Variants in DMD observed in about 807,000 individuals in gnomAD.
The protein encoded by DMD is mutant dystrophin.
Under a neutral mutation model 330.1 loss-of-function variants are expected in DMD, and 63 were observed. The observed-to-expected ratio is 0.19, with a 90% CI of 0.16 to 0.24. DMD has a LOEUF of 0.24. DMD is among the 10% of genes least tolerant of loss of function. The pLI is 1.00. For synonymous variants in DMD, 1,223 were observed against 959.8 expected (o/e 1.27, Z -5.07); for missense variants, 3,344 against 2,684.1 (o/e 1.25, Z -5.43).
chrX:31,706,556 AT>A (rs34529444), intron 52 of DMD, among the ~76,000 whole-genome samples: 2 of 108,429 alleles, frequency 1.8e-5, no homozygotes, highest in African/African-American at 3.4e-5. Flanking sequence ...GTTTATCAAC[AT>A]TTTTTTTTGG....
At chrX:33,205,597 T>C (rs1158636878) in intron 1 of DMD, among the ~76,000 whole-genome samples, 1 of 112,068 alleles carries the variant, frequency 8.9e-6, no homozygotes, top group Non-Finnish European at 1.9e-5. Flanking sequence ...TGCCCTTTTA[T>C]AGTCCTGATT....
chrX:32,343,834 A>G (rs1159167424), intron 39 of DMD, among the ~76,000 whole-genome samples: 1 of 112,019 alleles, frequency 8.9e-6, no homozygotes, highest in African/African-American at 3.2e-5. Flanking sequence ...TAGTTGTCTT[A>G]TAAACTGTTC....
At chrX:32,670,410 ATAG>A (rs1428634109) in intron 9 of DMD, among the ~76,000 whole-genome samples, 55 of 112,106 alleles carry the variant, frequency 4.9e-4, no homozygotes, top group African/African-American at 1.6e-3. Context: ...CTTAGAAATC[ATAG>A]GTTTAGGAAT....
chrX:31,764,412 T>C (rs185439402), intron 51 of DMD, among the ~76,000 whole-genome samples: 256 of 111,725 alleles, frequency 2.3e-3, no homozygotes, highest in Non-Finnish European at 3.2e-3. Context: ...AAGCATTTCA[T>C]TACTTTCGTA....
Position 32,472,296 on chromosome X carries a change from C to T in DMD, c.2817G>A (p.Leu939=), listed in dbSNP as rs919404036. The change falls in exon 22 of 79, where the codon TTG becomes TTA. Residue 939 remains leucine, a synonymous_variant. Coordinates refer to ENST00000357033, the MANE Select transcript of DMD (RefSeq NM_004006.3). ...EKELQTIFDT[L]PPMRYQETMS... Reference sequence around the variant, plus strand: ...TGGTCTCCTGATAGCGCATTGGTGGCAAAGTGTCAAAAACTTTATCAAAAG... The same window carrying T: ...TGGTCTCCTGATAGCGCATTGGTGGTAAAGTGTCAAAAACTTTATCAAAAG... 2.5e-6 allele frequency: 3 copies of T among 1,209,977 alleles called. No homozygotes were observed. The highest frequency in any genetic ancestry group is 2.3e-4 in the Middle Eastern group (1 of 4,348).
chrX:32,455,291 A>T, intron 25 of DMD, among the ~76,000 whole-genome samples: 1 of 111,722 alleles, frequency 9.0e-6, no homozygotes, highest in Admixed American at 9.5e-5. Flanking sequence ...AAAAACGAAA[A>T]GTGCATAAAA....
At chrX:32,744,828 T>A (rs2069769406) in intron 7 of DMD, among the ~76,000 whole-genome samples, 1 of 112,140 alleles carries the variant, frequency 8.9e-6, no homozygotes, top group South Asian at 3.7e-4. Flanking sequence ...AGATACAATT[T>A]TTCTCAAATA....
At chrX:32,287,481 A>C (rs998454168) in intron 43 of DMD, 48 bp downstream of exon 43, 1 of 1,154,335 alleles carries the variant, frequency 8.7e-7, no homozygotes, top group Admixed American at 2.2e-5. Flanking sequence ...AGTTCCCTGA[A>C]AACAAATCAT....
At chrX:31,570,464 G>A in intron 55 of DMD, among the ~76,000 whole-genome samples, 1 of 110,890 alleles carries the variant, frequency 9.0e-6, no homozygotes, top group Non-Finnish European at 1.9e-5. Context: ...GGGGCTTAGG[G>A]GAGGATTAAA....
At chrX:31,340,762 A>G (rs1461760130) in intron 61 of DMD, among the ~76,000 whole-genome samples, 2 of 112,237 alleles carry the variant, frequency 1.8e-5, no homozygotes, top group Non-Finnish European at 3.8e-5. Context: ...TATCAATGTC[A>G]AGAGTGAATT....
At chrX:31,524,755 G>A (rs766542437) in intron 55 of DMD, among the ~76,000 whole-genome samples, 5 of 111,742 alleles carry the variant, frequency 4.5e-5, no homozygotes, top group South Asian at 3.8e-4. Flanking sequence ...ACTAACAAAC[G>A]GACAGGTGAA....
At chrX:32,256,749 T>C (rs1444904984) in intron 43 of DMD, among the ~76,000 whole-genome samples, 2 of 111,463 alleles carry the variant, frequency 1.8e-5, no homozygotes, top group Non-Finnish European at 3.8e-5. Flanking sequence ...CTGTAAAGGA[T>C]TTTATTTCTC....
rs1213847799 is a variant in DMD, at chrX:32,252,707, A to T, written c.6290+34822T>A. On this transcript the variant is annotated intron_variant, in intron 43 of 78. Coordinates refer to ENST00000357033, the MANE Select transcript of DMD (RefSeq NM_004006.3). ...ATAAATATATATATAAATATATATA[A>T]ATATATAAATATATATAAATATATA... Among the ~76,000 whole-genome samples the T allele has an allele frequency of 4.8e-3, 87 of 18,248 alleles. 2 individuals carry two copies. The highest frequency in any genetic ancestry group is 6.8e-3 in the African/African-American group (33 of 4,820). The allele number at this position is 18,248 out of a possible 115,157, so 15.8% of individuals were successfully genotyped here.
At position 33,240,638 on chromosome X, in the gene DMD, C is replaced by T. The variant is rs190634669; in HGVS notation, c.7+98621G>A. ...AGTTTTAATTTTTTTGAGAAAGCCC[C>T]TACTGTTTTCAATAATGGTTATATT... is the stretch of plus-strand genomic sequence containing the variant. On this transcript the variant is annotated intron_variant, in intron 1 of 17. Transcript: ENST00000288447. 1.9e-3 allele frequency among the ~76,000 whole-genome samples: 214 copies of T among 111,585 alleles called. 1 individual carries two copies. The highest frequency in any genetic ancestry group is 3.6e-3 in the Non-Finnish European group (192 of 53,064).
intron 2 of DMD, among the ~76,000 whole-genome samples, chrX:32,946,114 T>A (rs947656502): frequency 1.8e-5 from 2 of 111,838 alleles, no homozygotes; most frequent in Non-Finnish European, 3.8e-5. Flanking sequence ...ATAGTATTTT[T>A]GAAGTTATTT....
At chrX:31,276,166 C>T (rs1006034896) in intron 62 of DMD, among the ~76,000 whole-genome samples, 2 of 111,884 alleles carry the variant, frequency 1.8e-5, no homozygotes, top group African/African-American at 3.3e-5. Context: ...AAGCAATTCT[C>T]GTGCCTCAGC....
chrX:33,257,915 A>G (rs1165114448), intron 1 of DMD, among the ~76,000 whole-genome samples: 1 of 110,874 alleles, frequency 9.0e-6, no homozygotes, highest in Non-Finnish European at 1.9e-5. Flanking sequence ...AGAGGCTCTC[A>G]GTTGCACAAA....
intron 7 of DMD, among the ~76,000 whole-genome samples, chrX:32,737,275 C>T (rs2068641717): frequency 9.0e-6 from 1 of 110,993 alleles, no homozygotes; most frequent in African/African-American, 3.3e-5. Flanking sequence ...TATTTACATC[C>T]AGATTTCAAA....
At chrX:32,876,605 C>T (rs5928100) in intron 2 of DMD, among the ~76,000 whole-genome samples, 32,524 of 110,956 alleles carry the variant, frequency 0.29, 3,500 homozygotes, top group South Asian at 0.43. Flanking sequence ...TGTTCATGTC[C>T]CTTAATGACA....
Sources: gnomAD v4.1 joint callset for allele counts (sites outside exome capture counted in the v4.1 genomes callset) on GRCh38, gnomAD v4.1.1 for gene constraint, MANE v1.5 for transcripts, NCBI Gene and HGNC (gene_info 2026-07-23, HGNC 2026-07-21) for gene names.